The following LRCH1 variants were observed in gnomAD, a reference collection of about 807,000 sequenced individuals.
LRCH1 encodes leucine rich repeats and calponin homology domain containing 1.
A neutral mutation model predicts 94.9 loss-of-function variants in LRCH1; 23 were observed. The ratio of observed to expected loss-of-function variants is 0.24; its 90% CI spans 0.17 to 0.34. The LOEUF (loss-of-function observed/expected upper bound fraction) is 0.34, where lower values mean the gene tolerates loss of function less well. Among genes scored for constraint, LRCH1 ranks in the 10% least tolerant of loss-of-function variants. The pLI is 1.00. For missense variants in LRCH1, 790 were observed against 945.9 expected, an observed-to-expected ratio of 0.84 and a Z score of 2.16; for synonymous variants, 364 against 354.9, an observed-to-expected ratio of 1.03 and a Z score of -0.29.
intron 15 of LRCH1, among the ~76,000 whole-genome samples, chr13:46,713,518 A>G (rs1872175267): frequency 6.6e-6 from 1 of 152,242 alleles, no homozygotes; most frequent in African/African-American, 2.4e-5. Context: ...AATGTTTTTC[A>G]TTCTTGGGGC....
At chr13:46,571,144 A>G (rs374632755) in intron 1 of LRCH1, among the ~76,000 whole-genome samples, 3 of 152,220 alleles carry the variant, frequency 2.0e-5, no homozygotes, top group Admixed American at 1.3e-4. Context: ...TGTTCCAACA[A>G]TTGTTACAAT....
chr13:46,734,438 A>C (rs866334678), intron 19 of LRCH1, among the ~76,000 whole-genome samples: 17 of 152,342 alleles, frequency 1.1e-4, no homozygotes, highest in Admixed American at 2.0e-4. Flanking sequence ...CCATATGTGG[A>C]TAAAAAAATC....
chr13:46,613,317 G>T (rs1438671076), intron 1 of LRCH1, among the ~76,000 whole-genome samples: 4 of 151,984 alleles, frequency 2.6e-5, no homozygotes. Flanking sequence ...TTGAACCAGG[G>T]AGTCAGAGGT....
At chr13:46,736,733 C>A (rs1366428901) in intron 19 of LRCH1, among the ~76,000 whole-genome samples, 2 of 152,076 alleles carry the variant, frequency 1.3e-5, no homozygotes, top group Non-Finnish European at 2.9e-5. Flanking sequence ...GCTTTTTCTA[C>A]TTCTCCATCT....
intron 1 of LRCH1, among the ~76,000 whole-genome samples, chr13:46,615,205 T>C (rs895438444): frequency 6.6e-6 from 1 of 152,188 alleles, no homozygotes; most frequent in African/African-American, 2.4e-5. Context: ...TTCTGCAGGC[T>C]CTGCAAGCAT....
chr13:46,723,037 A>ACTCT (rs1872655890), intron 16 of LRCH1, among the ~76,000 whole-genome samples, 184 bp from the exon 17 acceptor site: 1 of 152,186 alleles, frequency 6.6e-6, no homozygotes, highest in Non-Finnish European at 1.5e-5. Flanking sequence ...AACTAGTACA[A>ACTCT]TTTAAAATAT....
intron 1 of LRCH1, among the ~76,000 whole-genome samples, chr13:46,648,245 T>C (rs2051248106): frequency 6.6e-6 from 1 of 152,150 alleles, no homozygotes; most frequent in South Asian, 2.1e-4. Context: ...GAGAATTCAA[T>C]GCCCCAGCTG....
At chr13:46,652,221 C>T (rs1263673921) in intron 2 of LRCH1, among the ~76,000 whole-genome samples, 1 of 152,066 alleles carries the variant, frequency 6.6e-6, no homozygotes, top group African/African-American at 2.4e-5. Flanking sequence ...GGACTACAGG[C>T]GCCCGCCACC....
intron 3 of LRCH1, among the ~76,000 whole-genome samples, chr13:46,669,966 C>G (rs1052125960): frequency 5.3e-5 from 8 of 152,172 alleles, no homozygotes; most frequent in Non-Finnish European, 1.0e-4. Flanking sequence ...AGATTCCAGT[C>G]TAGAACAATG....
At chr13:46,644,952 T>C (rs60985706) in intron 1 of LRCH1, among the ~76,000 whole-genome samples, 2,460 of 152,314 alleles carry the variant, frequency 0.016, 55 homozygotes, top group African/African-American at 0.055. Context: ...TCCTTTCAGC[T>C]AGCAGGACTA....
At chr13:46,609,751 T>C (rs1336493427) in intron 1 of LRCH1, among the ~76,000 whole-genome samples, 1 of 152,124 alleles carries the variant, frequency 6.6e-6, no homozygotes, top group East Asian at 1.9e-4. Context: ...AATTAAGTAA[T>C]TTTTAAAAAT....
chr13:46,725,932 T>C (rs1414637640), intron 17 of LRCH1, among the ~76,000 whole-genome samples: 1 of 152,220 alleles, frequency 6.6e-6, no homozygotes, highest in Non-Finnish European at 1.5e-5. Context: ...GTCATATTGA[T>C]CATTTATGTC....
Position 46,708,155 on chromosome 13 carries a change from T to C in LRCH1, c.1527+2851T>C, listed in dbSNP as rs776428190. Among the ~76,000 whole-genome samples the C allele has an allele frequency of 7.2e-5, 11 of 152,268 alleles. No homozygotes were observed. In the South Asian group the frequency reaches 1.2e-3, roughly 17 times the overall value. On this transcript the variant is annotated intron_variant, in intron 13 of 19. Coordinates refer to ENST00000389797, the MANE Select transcript of LRCH1 (RefSeq NM_001164211.2). ...AGAAGAAGAGCGGCCATTATACTTA[T>C]GTGTGCATGAACAATGCTTCCAGTA...
chr13:46,583,689 T>C (rs1483872487), intron 1 of LRCH1, among the ~76,000 whole-genome samples: 1 of 152,260 alleles, frequency 6.6e-6, no homozygotes, highest in Non-Finnish European at 1.5e-5. Flanking sequence ...CTGACTAGAT[T>C]ACTATACATT....
chr13:46,621,232 A>C (rs1363093277), intron 1 of LRCH1, among the ~76,000 whole-genome samples: 1 of 152,230 alleles, frequency 6.6e-6, no homozygotes, highest in Non-Finnish European at 1.5e-5. Flanking sequence ...GGTGTGTTGC[A>C]GGTACCACAG....
chr13:46,561,487 A>G (rs2050129440), intron 1 of LRCH1, among the ~76,000 whole-genome samples: 3 of 152,218 alleles, frequency 2.0e-5, no homozygotes, highest in South Asian at 4.1e-4. Flanking sequence ...TCTCATGTGG[A>G]CTTGCTTTTG....
At chr13:46,748,299 A>T, downstream of LRCH1, among the ~76,000 whole-genome samples, 1 of 149,952 alleles carries the variant, frequency 6.7e-6, no homozygotes, top group African/African-American at 2.5e-5. Flanking sequence ...TTAATGTTCA[A>T]CTCTTTATTT....
chr13:46,576,901 C>T (rs751401310), intron 1 of LRCH1, among the ~76,000 whole-genome samples: 1 of 152,112 alleles, frequency 6.6e-6, no homozygotes, highest in Non-Finnish European at 1.5e-5. Flanking sequence ...ATTCTCTGCC[C>T]TAGGTCTCAC....
intron 16 of LRCH1, among the ~76,000 whole-genome samples, chr13:46,722,490 G>A (rs1417985): frequency 0.9 from 137,269 of 152,276 alleles, 62,552 homozygotes; most frequent in Middle Eastern, 0.98. Context: ...TGTCTAAAAG[G>A]TGTTTTCCTT....
Sources: gnomAD v4.1 joint callset for allele counts (sites outside exome capture counted in the v4.1 genomes callset) on GRCh38, gnomAD v4.1.1 for gene constraint, MANE v1.5 for transcripts, NCBI Gene and HGNC (gene_info 2026-07-23, HGNC 2026-07-21) for gene names.